The following TMEM132D variants were observed in gnomAD, a reference collection of about 807,000 sequenced individuals.
TMEM132D encodes transmembrane protein 132D.
Under a neutral mutation model 62.3 loss-of-function variants are expected in TMEM132D, and 21 were observed. The observed-to-expected ratio is 0.34, with a 90% CI of 0.24 to 0.49. TMEM132D has a LOEUF of 0.49. Ranked by LOEUF, TMEM132D falls within the 20% of genes least tolerant of loss-of-function variation. The pLI is 0.99. For synonymous variants in TMEM132D, 621 were observed against 575.6 expected (o/e 1.08, Z -1.13); for missense variants, 1,346 against 1,402.8 (o/e 0.96, Z 0.65).
intron 3 of TMEM132D, among the ~76,000 whole-genome samples, chr12:129,506,684 C>G (rs888580114): frequency 2.6e-5 from 4 of 152,154 alleles, no homozygotes; most frequent in Non-Finnish European, 5.9e-5. Context: ...GGATCTTCAT[C>G]TCTCATTTTT....
At chr12:129,526,234 T>G (rs926173307) in intron 3 of TMEM132D, among the ~76,000 whole-genome samples, 2 of 152,140 alleles carry the variant, frequency 1.3e-5, no homozygotes, top group African/African-American at 4.8e-5. Flanking sequence ...CTTTATAAAT[T>G]GACAAAATAG....
intron 1 of TMEM132D, among the ~76,000 whole-genome samples, chr12:129,891,054 C>T (rs1874907445): frequency 6.6e-6 from 1 of 152,044 alleles, no homozygotes; most frequent in East Asian, 1.9e-4. Flanking sequence ...CAGCGACGCC[C>T]AAACAGCAGG....
At chr12:129,669,998 G>A (rs1593113557) in intron 2 of TMEM132D, among the ~76,000 whole-genome samples, 1 of 152,030 alleles carries the variant, frequency 6.6e-6, no homozygotes, top group Non-Finnish European at 1.5e-5. Context: ...GTCCCCTGTC[G>A]ACTGGAAGAA....
intron 4 of TMEM132D, 155 bp from the exon 5 acceptor site, chr12:129,209,818 G>T: frequency 1.0e-6 from 1 of 1,002,920 alleles, no homozygotes; most frequent in Non-Finnish European, 1.4e-6. Flanking sequence ...CTGGCTGACC[G>T]TGGCAGCCAT....
At chr12:129,199,429 G>A (rs1474358906) in intron 5 of TMEM132D, among the ~76,000 whole-genome samples, 1 of 152,054 alleles carries the variant, frequency 6.6e-6, no homozygotes. Context: ...ATCTGCATCA[G>A]GAGTGAAATA....
At chr12:129,501,680 A>AT (rs1034596942) in intron 3 of TMEM132D, among the ~76,000 whole-genome samples, 10 of 151,752 alleles carry the variant, frequency 6.6e-5, no homozygotes, top group African/African-American at 2.2e-4. Flanking sequence ...AACTTTTGTA[A>AT]TTTTTTGTAG....
chr12:129,706,148 A>G (rs1881502039), intron 1 of TMEM132D, among the ~76,000 whole-genome samples: 1 of 152,042 alleles, frequency 6.6e-6, no homozygotes, highest in Admixed American at 6.5e-5. Context: ...ATGATATTAT[A>G]TATAAGTGGC....
chr12:129,117,855 C>G (rs1875941756), intron 5 of TMEM132D, among the ~76,000 whole-genome samples: 1 of 152,098 alleles, frequency 6.6e-6, no homozygotes, highest in South Asian at 2.1e-4. Context: ...TCACTGGAGA[C>G]TTTGTTTTCC....
chr12:129,245,330 G>A (rs1192284768), intron 4 of TMEM132D, among the ~76,000 whole-genome samples: 1 of 152,100 alleles, frequency 6.6e-6, no homozygotes, highest in Non-Finnish European at 1.5e-5. Flanking sequence ...CTTTAGACTG[G>A]CTTCTTCCAC....
At chr12:129,366,684 G>A (rs1006026926) in intron 3 of TMEM132D, among the ~76,000 whole-genome samples, 10 of 152,226 alleles carry the variant, frequency 6.6e-5, no homozygotes, top group Non-Finnish European at 1.2e-4. Flanking sequence ...TGATTTGACA[G>A]GCATTAACTG....
intron 1 of TMEM132D, among the ~76,000 whole-genome samples, chr12:129,725,461 G>A (rs2137247833): frequency 6.6e-6 from 1 of 152,350 alleles, no homozygotes; most frequent in Admixed American, 6.5e-5. Flanking sequence ...CTTGGATTTG[G>A]CAAGAAAGGC....
intron 2 of TMEM132D, among the ~76,000 whole-genome samples, chr12:129,659,872 C>A (rs1210055711): frequency 6.6e-6 from 1 of 152,168 alleles, no homozygotes; most frequent in East Asian, 1.9e-4. Flanking sequence ...TTGTTCCTAT[C>A]CCTAGGTCCA....
Position 129,285,526 on chromosome 12 carries a change from C to CAAA in TMEM132D, c.1299+52105_1299+52107dup, listed in dbSNP as rs1555244565. Among the ~76,000 whole-genome samples, 13 of 40,932 alleles carry CAAA rather than the reference C, an allele frequency of 3.2e-4. 1 individual carries two copies. The highest frequency in any genetic ancestry group is 2.9e-3 in the Admixed American group (7 of 2,442). 26.9% of individuals were successfully genotyped at this position (40,932 alleles called of 152,430 possible). A position where few individuals can be genotyped will look rare whatever the true frequency, so the allele number is the denominator to read the frequency against. ...TGGGTGACAGAGTGAGACTGTGTCT[C>CAAA]AAAAAAAAAAAAAAGAGAGAGAGAG... On this transcript the variant is annotated intron_variant, in intron 4 of 8. Transcript: ENST00000422113.
At chr12:129,821,255 A>T (rs73160234) in intron 1 of TMEM132D, among the ~76,000 whole-genome samples, 14,376 of 152,244 alleles carry the variant, frequency 0.094, 782 homozygotes, top group East Asian at 0.16. Flanking sequence ...GCATTTGTCA[A>T]GCATCTTTGG....
chr12:129,158,258 A>G (rs1022533741), intron 5 of TMEM132D, among the ~76,000 whole-genome samples: 1 of 152,160 alleles, frequency 6.6e-6, no homozygotes, highest in Admixed American at 6.5e-5. Context: ...CTAATGGCTG[A>G]CTCTGTGTTT....
chr12:129,608,975 C>G (rs1593086946), intron 2 of TMEM132D, among the ~76,000 whole-genome samples: 1 of 148,720 alleles, frequency 6.7e-6, no homozygotes, highest in Non-Finnish European at 1.5e-5. Flanking sequence ...GAGTCTCGCT[C>G]TGTCACCCAG....
At chr12:129,402,450 G>A (rs1307769254) in intron 3 of TMEM132D, among the ~76,000 whole-genome samples, 1 of 152,174 alleles carries the variant, frequency 6.6e-6, no homozygotes. Context: ...TCCAGTGAGG[G>A]ATGGGTCACT....
At chr12:129,232,137 A>G (rs76946001) in intron 4 of TMEM132D, among the ~76,000 whole-genome samples, 1,610 of 152,272 alleles carry the variant, frequency 0.011, 15 homozygotes, top group Middle Eastern at 0.027. Flanking sequence ...TGCAGCCCGG[A>G]TCTTGGGAGG....
chr12:129,155,283 T>C (rs554423776), intron 5 of TMEM132D, among the ~76,000 whole-genome samples: 2 of 152,362 alleles, frequency 1.3e-5, no homozygotes, highest in East Asian at 3.9e-4. Flanking sequence ...TCTGTACCCA[T>C]TTTATGCTAC....
Sources: allele counts gnomAD v4.1 joint callset (sites outside exome capture counted in the v4.1 genomes callset), GRCh38; gene constraint gnomAD v4.1.1; transcripts MANE v1.5; gene names NCBI Gene and HGNC (gene_info 2026-07-23, HGNC 2026-07-21).